TIMELESS: variants seen among roughly 807,000 people sequenced by gnomAD.
The protein encoded by TIMELESS is timeless circadian regulator.
In TIMELESS, 124 loss-of-function variants were observed where a neutral mutation model predicts 164.3. That is an observed-to-expected ratio of 0.75 (90% CI 0.65 to 0.88). The LOEUF (loss-of-function observed/expected upper bound fraction) is 0.88. TIMELESS is among the 40% of genes least tolerant of loss of function. The pLI, the probability that TIMELESS is intolerant of heterozygous loss-of-function variation, is 0.00. For synonymous variants in TIMELESS, 564 were observed against 563.4 expected (o/e 1.00, Z -0.02); for missense variants, 1,422 against 1,491.4 (o/e 0.95, Z 0.77).
At chr12:56,444,082 G>A (rs2136155359) in intron 1 of TIMELESS, among the ~76,000 whole-genome samples, 1 of 152,126 alleles carries the variant, frequency 6.6e-6, no homozygotes, top group South Asian at 2.1e-4. Context: ...ATTTTTAGTA[G>A]AGACATGGTT....
Position 56,417,461 on chromosome 12 carries a change from G to A in TIMELESS, c.*255C>T. 2 of 451,128 alleles carry A rather than the reference G, an allele frequency of 4.4e-6. No individual in the cohort carries two copies. The highest frequency in any genetic ancestry group is 7.9e-6 in the Non-Finnish European group (2 of 251,864). 27.9% of individuals were successfully genotyped at this position (451,128 alleles called of 1,614,324 possible). A position where few individuals can be genotyped will look rare whatever the true frequency, so the allele number is the denominator to read the frequency against. ...GGAGCTCCAATAACCAAAAGAAATG[G>A]TTCCTAGAAGAAGAGAACTAAATCT... On this transcript the variant is annotated 3_prime_UTR_variant, in exon 29 of 29. Coordinates refer to ENST00000553532, the MANE Select transcript of TIMELESS (RefSeq NM_003920.5).
chr12:56,435,735 G>A (rs979779252), intron 1 of TIMELESS, among the ~76,000 whole-genome samples: 13 of 152,180 alleles, frequency 8.5e-5, no homozygotes, highest in African/African-American at 2.2e-4. Context: ...TGAGGCGGGC[G>A]GATCATGAGG....
chr12:56,439,106 C>T (rs527855390), intron 1 of TIMELESS, among the ~76,000 whole-genome samples: 10 of 125,788 alleles, frequency 7.9e-5, no homozygotes, highest in Admixed American at 7.7e-4. Context: ...GTGGAGGTAG[C>T]AGTGAGCCCA....
chr12:56,429,685 A>AT lies in TIMELESS; in HGVS notation c.1086+419dup, dbSNP rs1193861112. On this transcript the variant is annotated intron_variant, in intron 10 of 28. Transcript: ENST00000553532. ...CCGGCTAATTTTTTTTTTTTTTTGTATTTTTTTTTTTAGTAGAGATACGGT... is the reference window on the plus strand; with the variant it reads ...CCGGCTAATTTTTTTTTTTTTTTGTATTTTTTTTTTTTAGTAGAGATACGGT... Among the ~76,000 whole-genome samples, 475 of 101,818 alleles carry AT rather than the reference A, an allele frequency of 4.7e-3. 3 individuals carry two copies. Among genetic ancestry groups the AT allele is most frequent in the African/African-American group, 0.014 (386 of 26,672 alleles). 66.8% of individuals were successfully genotyped at this position (101,818 alleles called of 152,430 possible).
chr12:56,435,915 T>C (rs7305989), intron 1 of TIMELESS, among the ~76,000 whole-genome samples: 82,196 of 148,130 alleles, frequency 0.55, 23,425 homozygotes, highest in African/African-American at 0.64. Flanking sequence ...GCAGAGATTG[T>C]ACCACTGCAC....
chr12:56,430,078 A>G (rs1485152067), intron 10 of TIMELESS, 27 bp downstream of exon 10: 1 of 1,578,800 alleles, frequency 6.3e-7, no homozygotes, highest in Non-Finnish European at 8.6e-7. Context: ...ATTCCTGATT[A>G]TCTCCATATC....
At chr12:56,431,077 G>A (rs1881860868) in intron 8 of TIMELESS, 109 bp from the exon 9 acceptor site, 1 of 723,992 alleles carries the variant, frequency 1.4e-6, no homozygotes, top group Admixed American at 3.2e-5. Flanking sequence ...ATGTTGGTCG[G>A]GCACGGTGGC....
intron 8 of TIMELESS, 34 bp downstream of exon 8, chr12:56,431,437 T>G: frequency 1.3e-6 from 2 of 1,590,694 alleles, no homozygotes; most frequent in Non-Finnish European, 1.7e-6. Flanking sequence ...CATTCCATGA[T>G]GTAGGAAAAA....
At chr12:56,444,132 G>A (rs560399841) in intron 1 of TIMELESS, among the ~76,000 whole-genome samples, 12 of 152,150 alleles carry the variant, frequency 7.9e-5, no homozygotes, top group East Asian at 7.7e-4. Context: ...ACCTGACCTC[G>A]TGATCCACCT....
intron 19 of TIMELESS, 34 bp downstream of exon 19, chr12:56,422,813 A>ACCCCCCCC: frequency 2.5e-5 from 34 of 1,356,782 alleles, no homozygotes; most frequent in East Asian, 5.0e-5. Context: ...AACTTCCCCT[A>ACCCCCCCC]CCCCCACCCA....
rs1352375422 is a variant in TIMELESS, at chr12:56,418,125, C to T, written c.3454+9G>A. ...GTTAATACTCAGAAGATGGCTGTCG[C>T]ACTATTACCCTCTGGGGATGCCAGG... On this transcript the variant is annotated intron_variant, in intron 27 of 28. Coordinates refer to ENST00000553532, the MANE Select transcript of TIMELESS (RefSeq NM_003920.5). 3 of 1,614,042 alleles carry T rather than the reference C, an allele frequency of 1.9e-6. No individual in the cohort carries two copies. The East Asian group carries it at 6.7e-5, about 36-fold the overall frequency.
At position 56,436,868 on chromosome 12, in the gene TIMELESS, G is replaced by C. The variant is rs142876916; in HGVS notation, c.-61-2637C>G. On this transcript the variant is annotated intron_variant, in intron 1 of 28. Coordinates refer to ENST00000553532, the MANE Select transcript of TIMELESS (RefSeq NM_003920.5). Reference sequence around the variant, plus strand: ...GCTCCATGCTGTAGGGCTTCATTTTGTTTTGCTCATTGCTGCATTCTCCAG... The same window carrying C: ...GCTCCATGCTGTAGGGCTTCATTTTCTTTTGCTCATTGCTGCATTCTCCAG... 1.8e-4 allele frequency among the ~76,000 whole-genome samples: 27 copies of C among 152,072 alleles called. No individual in the cohort carries two copies. In the East Asian group the frequency reaches 5.2e-3, roughly 29 times the overall value.
rs1299145603 is a variant in TIMELESS, at chr12:56,417,614, T to C, written c.*102A>G. 6 of 1,139,022 alleles carry C rather than the reference T, an allele frequency of 5.3e-6. No individual in the cohort carries two copies. Among genetic ancestry groups the C allele is most frequent in the Middle Eastern group, 1.9e-4 (1 of 5,136 alleles). The allele number at this position is 1,139,022 out of a possible 1,614,324, so 70.6% of individuals were successfully genotyped here. On this transcript the variant is annotated 3_prime_UTR_variant, in exon 29 of 29. Coordinates refer to ENST00000553532, the MANE Select transcript of TIMELESS (RefSeq NM_003920.5). ...AAGAGCCTGGGATTCTACTGCTCTG[T>C]CCAGTAAGAGGAGCTTCTGGGTCCT...
Position 56,432,348 on chromosome 12 carries a change from G to A in TIMELESS, c.687+21C>T, listed in dbSNP as rs374986785. ...AAAGTACATGGGCGGAGGGGACTCG[G>A]GCAATAGGCCAGGGTCTCACCTGGT... is the stretch of plus-strand genomic sequence containing the variant. On this transcript the variant is annotated intron_variant, in intron 7 of 28. Coordinates refer to ENST00000553532, the MANE Select transcript of TIMELESS (RefSeq NM_003920.5). 32 of 1,602,052 alleles carry A rather than the reference G, an allele frequency of 2.0e-5. No individual in the cohort carries two copies. The African/African-American group carries it at 3.6e-4, about 18-fold the overall frequency.
At chr12:56,419,057 T>G (rs1310080483) in intron 26 of TIMELESS, among the ~76,000 whole-genome samples, 1 of 150,618 alleles carries the variant, frequency 6.6e-6, no homozygotes, top group Non-Finnish European at 1.5e-5. Context: ...TAGAGTGCCG[T>G]GGCAAAGCAA....
At chr12:56,424,956 C>A (rs780990148) in intron 14 of TIMELESS, 43 bp from the exon 15 acceptor site, 1 of 1,613,986 alleles carries the variant, frequency 6.2e-7, no homozygotes, top group South Asian at 1.1e-5. Context: ...AGTGGAAAAC[C>A]CAGATTGTAT....
chr12:56,428,886 C>A lies in TIMELESS; in HGVS notation c.1301G>T (p.Arg434Leu). ...TDRKEAASWA[R>L]RMHLALKAYQ... ...CTCCAGTAACCATCCCACTCACCGGCGTGCCCAGGAGGCAGCTTCCTTGCG... is the reference window on the plus strand; with the variant it reads ...CTCCAGTAACCATCCCACTCACCGGAGTGCCCAGGAGGCAGCTTCCTTGCG... The change falls in exon 11 of 29, where the codon CGC (arginine) becomes CTC (leucine). Residue 434 changes from arginine (R) to leucine (L), a missense_variant. Arg to Leu is a moderately radical substitution (Grantham distance 102). Transcript: ENST00000553532. 6.2e-7 allele frequency: 1 copy of A among 1,613,448 alleles called. No individual in the cohort carries two copies. Among genetic ancestry groups the A allele is most frequent in the Non-Finnish European group, 8.5e-7 (1 of 1,179,922 alleles).
At position 56,423,478 on chromosome 12, in the gene TIMELESS, G is replaced by A; in HGVS notation, c.2091-3C>T. 1.2e-6 allele frequency: 2 copies of A among 1,614,044 alleles called. No homozygotes were observed. Among genetic ancestry groups the A allele is most frequent in the East Asian group, 2.2e-5 (1 of 44,890 alleles). On this transcript the variant is annotated splice_region_variant and splice_polypyrimidine_tract_variant and intron_variant, in intron 17 of 28. Coordinates refer to ENST00000553532, the MANE Select transcript of TIMELESS (RefSeq NM_003920.5). Reference sequence around the variant, plus strand: ...GAACGACAGTTGAACATGCAAAGCTGCACCAAAACAAGGAGGGAGAGGATG... The same window carrying A: ...GAACGACAGTTGAACATGCAAAGCTACACCAAAACAAGGAGGGAGAGGATG...
In TIMELESS at chr12:56,449,373, CT is replaced by C. The variant is rs1424251070; in HGVS notation, c.-126del. On this transcript the variant is annotated 5_prime_UTR_variant, in exon 1 of 29. Coordinates refer to ENST00000553532, the MANE Select transcript of TIMELESS (RefSeq NM_003920.5). The stretch of plus-strand genomic sequence containing the variant: ...CGGCCCTCTGGCGCGGGGCCGCAGC[CT>C]TTCCGCCACCAGGCTCAGCTGGACC... 2.6e-5 allele frequency: 4 copies of C among 152,294 alleles called. No individual in the cohort carries two copies. The highest frequency in any genetic ancestry group is 9.6e-5 in the African/African-American group (4 of 41,474). The allele number at this position is 152,294 out of a possible 1,614,324, so 9.4% of individuals were successfully genotyped here.
Sources: allele counts gnomAD v4.1 joint callset (sites outside exome capture counted in the v4.1 genomes callset), GRCh38; gene constraint gnomAD v4.1.1; transcripts MANE v1.5; gene names NCBI Gene and HGNC (gene_info 2026-07-23, HGNC 2026-07-21).